Variants in RAPGEF5 observed in about 807,000 individuals in gnomAD.
RAPGEF5 encodes the protein M-Ras-regulated GEF.
In RAPGEF5, 65 loss-of-function variants were observed where a neutral mutation model predicts 125.2. That is an observed-to-expected ratio of 0.52 (90% CI 0.43 to 0.64). RAPGEF5 has a LOEUF of 0.64. Among genes scored for constraint, RAPGEF5 ranks in the 30% least tolerant of loss-of-function variants. The pLI, the probability that RAPGEF5 is intolerant of heterozygous loss-of-function variation, is 0.00. For missense variants in RAPGEF5, 958 were observed against 1,048.1 expected, an observed-to-expected ratio of 0.91 and a Z score of 1.19; for synonymous variants, 391 against 385.9, an observed-to-expected ratio of 1.01 and a Z score of -0.16.
Position 22,119,713 on chromosome 7 carries a change from T to C in RAPGEF5, c.*2693A>G, listed in dbSNP as rs1403345742. ...CTGGTGCCGAAGGTGCCAGATTACG[T>C]AAGATTTGCAGAGTGAGCGAAGATT... is the stretch of plus-strand genomic sequence containing the variant. On this transcript the variant is annotated 3_prime_UTR_variant, in exon 26 of 26. Coordinates refer to ENST00000665637, the MANE Select transcript of RAPGEF5 (RefSeq NM_012294.5). The surrounding 1 kb of genome is among the most constrained non-coding windows in gnomAD (Gnocchi z 4.1). The C allele has an allele frequency of 6.6e-6, 1 of 152,186 alleles. No individual in the cohort carries two copies. Among genetic ancestry groups the C allele is most frequent in the African/African-American group, 2.4e-5 (1 of 41,428 alleles). The allele number at this position is 152,186 out of a possible 1,614,324, so 9.4% of individuals were successfully genotyped here.
At chr7:22,212,566 C>A (rs1024658080) in intron 9 of RAPGEF5, among the ~76,000 whole-genome samples, 2 of 111,712 alleles carry the variant, frequency 1.8e-5, no homozygotes, top group Non-Finnish European at 4.3e-5. Flanking sequence ...CTCTTTACTT[C>A]TTGATATCTC....
At chr7:22,154,641 C>A (rs1486877234) in intron 16 of RAPGEF5, 37 bp from the exon 17 acceptor site, 4 of 1,604,930 alleles carry the variant, frequency 2.5e-6, no homozygotes, top group Middle Eastern at 1.8e-4. Flanking sequence ...AAACAGAGAA[C>A]AGTGGTCACG....
rs1029908745 is a variant in RAPGEF5 at position 22,290,608 on chromosome 7, A to G, written c.747+567T>C. Among the ~76,000 whole-genome samples, 9 of 151,262 alleles carry G rather than the reference A, an allele frequency of 5.9e-5. No homozygotes were observed. The East Asian group carries it at 7.8e-4, about 13-fold the overall frequency. ...AAAATACAAAAAATTAGCCGGGCGTAGTGGCGGGCGCCTGTAGTCCCAGCT... is the reference window on the plus strand; with the variant it reads ...AAAATACAAAAAATTAGCCGGGCGTGGTGGCGGGCGCCTGTAGTCCCAGCT... On this transcript the variant is annotated intron_variant, in intron 6 of 25. Transcript: ENST00000665637.
chr7:22,335,603 A>G (rs1784010208), intron 1 of RAPGEF5, among the ~76,000 whole-genome samples: 1 of 151,818 alleles, frequency 6.6e-6, no homozygotes, highest in South Asian at 2.1e-4. Flanking sequence ...GGAGGCCACA[A>G]AGCCGTATCA....
At chr7:22,309,644 C>G (rs1053680337) in intron 4 of RAPGEF5, among the ~76,000 whole-genome samples, 9 of 152,154 alleles carry the variant, frequency 5.9e-5, no homozygotes, top group African/African-American at 1.7e-4. Context: ...ATAAATCACA[C>G]ACTTAGAGCA....
chr7:22,188,489 G>A (rs553862384), intron 11 of RAPGEF5, among the ~76,000 whole-genome samples: 52 of 152,188 alleles, frequency 3.4e-4, no homozygotes, highest in Middle Eastern at 3.4e-3. Flanking sequence ...CATCACAGCC[G>A]GGCGCAGTGG....
chr7:22,212,552 A>G (rs558395780), intron 9 of RAPGEF5, among the ~76,000 whole-genome samples: 1 of 147,398 alleles, frequency 6.8e-6, no homozygotes, highest in Non-Finnish European at 1.5e-5. Flanking sequence ...ATTGCTGCCT[A>G]TGTCTCTTTA....
At chr7:22,236,344 C>G (rs910267743) in intron 7 of RAPGEF5, among the ~76,000 whole-genome samples, 1 of 152,132 alleles carries the variant, frequency 6.6e-6, no homozygotes, top group African/African-American at 2.4e-5. Flanking sequence ...TTTCCAGTCA[C>G]GAGTTGAATA....
At chr7:22,255,875 C>A (rs957748971) in intron 7 of RAPGEF5, among the ~76,000 whole-genome samples, 1 of 152,134 alleles carries the variant, frequency 6.6e-6, no homozygotes, top group African/African-American at 2.4e-5. Context: ...TTGAAAATTA[C>A]TAATCAAGAG....
At chr7:22,213,472 T>C (rs1485722600) in intron 9 of RAPGEF5, among the ~76,000 whole-genome samples, 1 of 152,232 alleles carries the variant, frequency 6.6e-6, no homozygotes. Flanking sequence ...TTTCCATGTA[T>C]AAATTCTTTC....
chr7:22,125,081 G>A (rs376133159), intron 25 of RAPGEF5, among the ~76,000 whole-genome samples: 13 of 152,170 alleles, frequency 8.5e-5, no homozygotes, highest in African/African-American at 3.1e-4. Flanking sequence ...TCTCAGTGGG[G>A]ATTCTACAAA....
chr7:22,321,896 C>T (rs1294048828), intron 1 of RAPGEF5, among the ~76,000 whole-genome samples: 3 of 152,110 alleles, frequency 2.0e-5, no homozygotes, highest in Non-Finnish European at 4.4e-5. Flanking sequence ...ACCTGTGGGC[C>T]CTTCTTCAGC....
chr7:22,142,793 G>C (rs1253539315), intron 20 of RAPGEF5, among the ~76,000 whole-genome samples: 1 of 152,242 alleles, frequency 6.6e-6, no homozygotes, highest in Non-Finnish European at 1.5e-5. Flanking sequence ...GGGATGGTGA[G>C]AAGGAGGGGA....
At chr7:22,255,361 G>C (rs1489817558) in intron 7 of RAPGEF5, among the ~76,000 whole-genome samples, 1 of 152,148 alleles carries the variant, frequency 6.6e-6, no homozygotes, top group African/African-American at 2.4e-5. Flanking sequence ...GGTCAAGGCG[G>C]GAGGACTGCT....
Position 22,128,915 on chromosome 7 carries a change from T to A in RAPGEF5, c.2481+2122A>T, listed in dbSNP as rs1782831181. Reference sequence around the variant, plus strand: ...TATTATTTATGCCATGCTATTCCCTTAAACTTTCTCAAAGAATTAAGGGTA... The same window carrying A: ...TATTATTTATGCCATGCTATTCCCTAAAACTTTCTCAAAGAATTAAGGGTA... On this transcript the variant is annotated intron_variant, in intron 24 of 25. Transcript: ENST00000665637. Among the ~76,000 whole-genome samples, 8 of 152,248 alleles carry A rather than the reference T, an allele frequency of 5.3e-5. No homozygotes were observed. The South Asian group carries it at 1.7e-3, about 32-fold the overall frequency.
intron 11 of RAPGEF5, chr7:22,191,302 T>C: frequency 4.8e-6 from 1 of 206,416 alleles, no homozygotes; most frequent in Non-Finnish European, 1.0e-5. Context: ...GTGCCGTTCT[T>C]GAAGTTTGGA....
intron 9 of RAPGEF5, among the ~76,000 whole-genome samples, chr7:22,195,012 T>C (rs181111121): frequency 6.6e-6 from 1 of 152,334 alleles, no homozygotes; most frequent in East Asian, 1.9e-4. Flanking sequence ...TTCTGAGGAT[T>C]GGAGCAAAAG....
chr7:22,248,939 C>T (rs1011471083), intron 7 of RAPGEF5, among the ~76,000 whole-genome samples: 1 of 152,184 alleles, frequency 6.6e-6, no homozygotes, highest in Non-Finnish European at 1.5e-5. Context: ...CCTAAGCCTA[C>T]AAAGACAACC....
intron 1 of RAPGEF5, among the ~76,000 whole-genome samples, chr7:22,341,825 A>G (rs188017927): frequency 6.6e-6 from 1 of 152,304 alleles, no homozygotes; most frequent in Non-Finnish European, 1.5e-5. Flanking sequence ...TTTGCAGGGT[A>G]TATTCCCCTC....
Sources: gnomAD v4.1 joint callset for allele counts (sites outside exome capture counted in the v4.1 genomes callset) on GRCh38, gnomAD v4.1.1 for gene constraint, Gnocchi (gnomAD v3.1) non-coding constraint, MANE v1.5 for transcripts, NCBI Gene and HGNC (gene_info 2026-07-23, HGNC 2026-07-21) for gene names.